BLTP1: variants seen among roughly 807,000 people sequenced by gnomAD.
BLTP1 encodes bridge-like lipid transfer protein family member 1.
the BLTP1 span, chr4:122,347,541 T>C: frequency 4.3e-6 from 7 of 1,613,474 alleles, no homozygotes; most frequent in Non-Finnish European, 5.9e-6. Flanking sequence ...CAGGGACACC[T>C]GATTCCATTG....
chr4:122,218,124 T>C, the BLTP1 span, among the ~76,000 whole-genome samples: 5 of 152,226 alleles, frequency 3.3e-5, no homozygotes, highest in East Asian at 9.6e-4. Context: ...GTTAATCTCA[T>C]GGATGGTCCA....
At chr4:122,324,408 TTC>T in the BLTP1 span, 1 of 1,605,916 alleles carries the variant, frequency 6.2e-7, no homozygotes. Flanking sequence ...TCACCCTTTT[TTC>T]TCTCCCATTT....
the BLTP1 span, among the ~76,000 whole-genome samples, chr4:122,354,909 C>G: frequency 6.6e-6 from 1 of 152,062 alleles, no homozygotes; most frequent in Non-Finnish European, 1.5e-5. Context: ...TCGTGATACA[C>G]CCGCCTCAGC....
At chr4:122,234,986 A>G in the BLTP1 span, 2 of 1,609,272 alleles carry the variant, frequency 1.2e-6, no homozygotes, top group Non-Finnish European at 1.7e-6. Context: ...AGCCTGGAGA[A>G]TGGATAATTA....
At chr4:122,286,448 T>C in the BLTP1 span, 11 of 1,557,982 alleles carry the variant, frequency 7.1e-6, no homozygotes, top group Admixed American at 9.1e-5. Context: ...GGAATATCCA[T>C]GCATTTTTCT....
At chr4:122,169,972 G>A in the BLTP1 span, 5 of 985,154 alleles carry the variant, frequency 5.1e-6, no homozygotes, top group Non-Finnish European at 6.0e-6. Context: ...TTTGTTTAAT[G>A]TAGATGGCTA....
At chr4:122,178,253 A>G in the BLTP1 span, 3 of 553,662 alleles carry the variant, frequency 5.4e-6, no homozygotes, top group Non-Finnish European at 6.9e-6. Flanking sequence ...TTACCAGGAA[A>G]CTCTTTTAAA....
the BLTP1 span, among the ~76,000 whole-genome samples, chr4:122,168,958 A>C: frequency 6.6e-6 from 1 of 151,892 alleles, no homozygotes; most frequent in Non-Finnish European, 1.5e-5. Flanking sequence ...TTATTTATTT[A>C]TTTATTTTAG....
At chr4:122,205,797 C>CACAA in the BLTP1 span, 1 of 175,826 alleles carries the variant, frequency 5.7e-6, no homozygotes, top group Non-Finnish European at 1.1e-5. Flanking sequence ...CACACACACA[C>CACAA]ACACACACAC....
the BLTP1 span, chr4:122,349,755 A>G: frequency 3.2e-6 from 5 of 1,549,430 alleles, no homozygotes; most frequent in South Asian, 1.3e-5. This position sits in a 1 kb window ranked among gnomAD's most constrained non-coding sequence, Gnocchi z 4.5. Context: ...TTATTATGCA[A>G]TTAATACAAA....
the BLTP1 span, chr4:122,276,076 T>C: frequency 7.1e-7 from 1 of 1,412,472 alleles, no homozygotes; most frequent in Non-Finnish European, 9.4e-7. Context: ...TATTGAATAG[T>C]TTTTAAAATA....
the BLTP1 span, among the ~76,000 whole-genome samples, chr4:122,339,981 C>T: frequency 6.6e-6 from 1 of 151,922 alleles, no homozygotes; most frequent in Non-Finnish European, 1.5e-5. Context: ...AAGCTGGGTG[C>T]CACTTCTGTC....
the BLTP1 span, chr4:122,172,135 C>T: frequency 1.4e-5 from 4 of 281,468 alleles, no homozygotes; most frequent in East Asian, 3.5e-4. Flanking sequence ...AAAGCTATTA[C>T]CATCAATCTA....
chr4:122,205,056 A>G, the BLTP1 span: 8 of 141,198 alleles, frequency 5.7e-5, no homozygotes, highest in African/African-American at 1.2e-4. Flanking sequence ...TTAGTAAGAC[A>G]AGAGTTTCTA....
chr4:122,292,066 G>T, the BLTP1 span, among the ~76,000 whole-genome samples: 2 of 151,332 alleles, frequency 1.3e-5, no homozygotes, highest in Non-Finnish European at 2.9e-5. Flanking sequence ...TACCTCCCGG[G>T]TTCAGGCGAT....
the BLTP1 span, among the ~76,000 whole-genome samples, chr4:122,286,974 A>G: frequency 2.0e-5 from 3 of 152,082 alleles, no homozygotes; most frequent in African/African-American, 7.2e-5. Flanking sequence ...TGTTAGTCTG[A>G]CTACCCTGTA....
the BLTP1 span, among the ~76,000 whole-genome samples, chr4:122,315,085 A>G: frequency 6.6e-6 from 1 of 152,152 alleles, no homozygotes; most frequent in Non-Finnish European, 1.5e-5. Flanking sequence ...TCATTAGAGA[A>G]CGACCAACCT....
At chr4:122,266,903 G>A in the BLTP1 span, 1 of 1,610,532 alleles carries the variant, frequency 6.2e-7, no homozygotes, top group Non-Finnish European at 8.5e-7. Context: ...CTGCCTCAGA[G>A]CAGATATTGT....
At chr4:122,208,435 C>CAGGA in the BLTP1 span, 1 of 983,912 alleles carries the variant, frequency 1.0e-6, no homozygotes, top group African/African-American at 1.7e-5. Flanking sequence ...AAAGTAAAGC[C>CAGGA]AAATGAAGAT....
Sources: gnomAD v4.1 joint callset for allele counts (sites outside exome capture counted in the v4.1 genomes callset) on GRCh38, gnomAD v4.1.1 for gene constraint, Gnocchi (gnomAD v3.1) non-coding constraint, MANE v1.5 for transcripts, NCBI Gene and HGNC (gene_info 2026-07-23, HGNC 2026-07-21) for gene names.